Variants in ITPR1 observed in about 807,000 individuals in gnomAD.
The protein encoded by ITPR1 is inositol 1,4,5-trisphosphate receptor type 1.
In ITPR1, 96 loss-of-function variants were observed where a neutral mutation model predicts 318.4. The ratio of observed to expected loss-of-function variants is 0.30; its 90% CI spans 0.26 to 0.36. The LOEUF (loss-of-function observed/expected upper bound fraction) is 0.36, where lower values mean the gene tolerates loss of function less well. Among genes scored for constraint, ITPR1 ranks in the 10% least tolerant of loss-of-function variants. ITPR1 has a pLI of 1.00. For synonymous variants in ITPR1, 1,312 were observed against 1,289.9 expected (o/e 1.02, Z -0.37); for missense variants, 2,440 against 3,460.2 (o/e 0.71, Z 7.40).
At chr3:4,655,432 C>T (rs2093684281) in intron 12 of ITPR1, among the ~76,000 whole-genome samples, 1 of 152,098 alleles carries the variant, frequency 6.6e-6, no homozygotes, top group Admixed American at 6.6e-5. Flanking sequence ...ACCAGACCTA[C>T]CATTTATGAG....
intron 23 of ITPR1, among the ~76,000 whole-genome samples, chr3:4,675,577 A>T (rs1055264131): frequency 8.5e-5 from 13 of 152,324 alleles, no homozygotes; most frequent in African/African-American, 2.4e-4. Flanking sequence ...AAAGTTACTT[A>T]ACACTTTGAA....
chr3:4,650,648 C>CT (rs1353452311), intron 10 of ITPR1, among the ~76,000 whole-genome samples: 1 of 139,042 alleles, frequency 7.2e-6, no homozygotes, highest in South Asian at 2.2e-4. Context: ...TGTGTGTGCG[C>CT]GCGTCTGTCT....
intron 2 of ITPR1, among the ~76,000 whole-genome samples, chr3:4,505,583 G>A (rs2081339544): frequency 6.6e-6 from 1 of 152,218 alleles, no homozygotes; most frequent in Admixed American, 6.5e-5. Context: ...TTGTTTTTTA[G>A]GAGGTGGAGG....
At chr3:4,514,242 G>T (rs1346701315) in intron 2 of ITPR1, among the ~76,000 whole-genome samples, 8 of 152,120 alleles carry the variant, frequency 5.3e-5, no homozygotes, top group African/African-American at 1.9e-4. Context: ...TCCTGCTGTG[G>T]TCATGAGGAT....
At chr3:4,641,674 C>T (rs906661889) in intron 6 of ITPR1, among the ~76,000 whole-genome samples, 1 of 152,232 alleles carries the variant, frequency 6.6e-6, no homozygotes, top group Non-Finnish European at 1.5e-5. Context: ...CTTCGCCTGG[C>T]CCTGCGTTGT....
intron 4 of ITPR1, among the ~76,000 whole-genome samples, chr3:4,604,172 T>C (rs1292779614): frequency 6.6e-6 from 1 of 152,156 alleles, no homozygotes; most frequent in Non-Finnish European, 1.5e-5. Flanking sequence ...TTTTCAGATG[T>C]GTCTGAGGAT....
In ITPR1 at chr3:4,779,510, A is replaced by C. The variant is rs2046686152; in HGVS notation, c.6292-40A>C. ...CTGCATTCAGGCCGGGCCCCCAAGC[A>C]GCCCCTCTACATTTCCTCTCCCTTT... On this transcript the variant is annotated intron_variant, in intron 48 of 61. Coordinates refer to ENST00000649015, the MANE Select transcript of ITPR1 (RefSeq NM_001378452.1). This position sits in a 1 kb window ranked among gnomAD's most constrained non-coding sequence, Gnocchi z 4.0. 1 of 1,496,484 alleles carries C rather than the reference A, an allele frequency of 6.7e-7. No individual in the cohort carries two copies. Among genetic ancestry groups the C allele is most frequent in the African/African-American group, 1.4e-5 (1 of 72,788 alleles). The allele number at this position is 1,496,484 out of a possible 1,614,324, so 92.7% of individuals were successfully genotyped here. A position where few individuals can be genotyped will look rare whatever the true frequency, so the allele number is the denominator to read the frequency against.
At chr3:4,743,028 C>T (rs746582893) in intron 44 of ITPR1, among the ~76,000 whole-genome samples, 3 of 152,196 alleles carry the variant, frequency 2.0e-5, no homozygotes, top group Admixed American at 1.3e-4. Flanking sequence ...AAAGTAATTG[C>T]GGTTTTTGCC....
chr3:4,690,620 A>T (rs1416627126), intron 31 of ITPR1, among the ~76,000 whole-genome samples: 2 of 152,214 alleles, frequency 1.3e-5, no homozygotes, highest in African/African-American at 4.8e-5. Context: ...GTTCACCAGA[A>T]GACATGTGTA....
chr3:4,688,667 G>A, intron 31 of ITPR1, 47 bp downstream of exon 31: 1 of 1,577,352 alleles, frequency 6.3e-7, no homozygotes, highest in Non-Finnish European at 8.7e-7. Flanking sequence ...AGGAGGGCAG[G>A]GAAGAGGGAG....
At chr3:4,742,355 G>A (rs1032302843) in intron 44 of ITPR1, among the ~76,000 whole-genome samples, 7 of 152,168 alleles carry the variant, frequency 4.6e-5, no homozygotes, top group African/African-American at 1.2e-4. Context: ...TGTGTGGTCC[G>A]GTAGACAAGT....
At chr3:4,800,266 T>C (rs2048142599) in intron 53 of ITPR1, 159 bp from the exon 54 acceptor site, 1 of 615,382 alleles carries the variant, frequency 1.6e-6, no homozygotes, top group African/African-American at 1.9e-5. Flanking sequence ...AAAATGCTGA[T>C]GGGACTGGTT....
intron 4 of ITPR1, among the ~76,000 whole-genome samples, chr3:4,574,716 C>T (rs547305711): frequency 6.6e-6 from 1 of 152,352 alleles, no homozygotes; most frequent in East Asian, 1.9e-4. Flanking sequence ...AAATGGTCTT[C>T]CATGCTGTGG....
rs576028466 is a variant in ITPR1, at chr3:4,521,410, A to G, written c.163+316A>G. ...GTATTTATGGATCCAGTCACAGGGA[A>G]CATTCATTATTTCAGCAGATCTCAC... On this transcript the variant is annotated intron_variant, in intron 4 of 61. Transcript: ENST00000649015. Among the ~76,000 whole-genome samples, 42 of 152,318 alleles carry G rather than the reference A, an allele frequency of 2.8e-4. No individual in the cohort carries two copies. In the Middle Eastern group the frequency reaches 0.021, roughly 75 times the overall value.
chr3:4,735,122 G>T (rs180838278), intron 43 of ITPR1, 42 bp from the exon 44 acceptor site: 3 of 1,511,852 alleles, frequency 2.0e-6, no homozygotes, highest in Admixed American at 3.4e-5. Context: ...AACATTAGCT[G>T]TTCTGATTGT....
Position 4,681,402 on chromosome 3 carries a change from G to A in ITPR1, c.3145G>A (p.Gly1049Ser), listed in dbSNP as rs2125228878. 1 of 1,612,330 alleles carries A rather than the reference G, an allele frequency of 6.2e-7. No homozygotes were observed. Among genetic ancestry groups the A allele is most frequent in the Non-Finnish European group, 8.5e-7 (1 of 1,178,628 alleles). Residue 1049 changes from glycine (G) to serine (S), a missense_variant, in exon 26 of 62, where the codon GGC becomes AGC. Physicochemically the swap from Gly to Ser is moderately conservative, Grantham distance 56 (BLOSUM62 0). Coordinates refer to ENST00000649015, the MANE Select transcript of ITPR1 (RefSeq NM_001378452.1). ...DFEHIEEQAE[G>S]IFGGSEENTP... The stretch of plus-strand genomic sequence containing the variant: ...TGAACACATTGAAGAACAAGCAGAA[G>A]GCATCTTTGGAGGAAGGAAAGTATA...
At chr3:4,716,038 A>C (rs964178411) in intron 39 of ITPR1, among the ~76,000 whole-genome samples, 1 of 152,222 alleles carries the variant, frequency 6.6e-6, no homozygotes, top group Non-Finnish European at 1.5e-5. Flanking sequence ...AAATATTAAA[A>C]TTATCACCAA....
At chr3:4,576,707 G>A (rs1027347254) in intron 4 of ITPR1, among the ~76,000 whole-genome samples, 1 of 152,192 alleles carries the variant, frequency 6.6e-6, no homozygotes, top group African/African-American at 2.4e-5. Flanking sequence ...TTATTTGCAG[G>A]TTCCTTCAGA....
rs2046899818 is a variant in ITPR1 at position 4,782,494 on chromosome 3, G to A, written c.6388-125G>A. On this transcript the variant is annotated intron_variant, in intron 49 of 61. Coordinates refer to ENST00000649015, the MANE Select transcript of ITPR1 (RefSeq NM_001378452.1). The stretch of plus-strand genomic sequence containing the variant: ...GGATTCTGAGGCTGTGTCCAAGCCC[G>A]ATAGGAGAGAGTGCGGAACAGCCTT... The A allele has an allele frequency of 9.5e-6, 9 of 947,906 alleles. No individual in the cohort carries two copies. The Admixed American group carries it at 1.1e-4, about 11-fold the overall frequency. The allele number at this position is 947,906 out of a possible 1,614,324, so 58.7% of individuals were successfully genotyped here. A position where few individuals can be genotyped will look rare whatever the true frequency, so the allele number is the denominator to read the frequency against.
Sources: gnomAD v4.1 joint callset for allele counts (sites outside exome capture counted in the v4.1 genomes callset) on GRCh38, gnomAD v4.1.1 for gene constraint, Gnocchi (gnomAD v3.1) non-coding constraint, MANE v1.5 for transcripts, NCBI Gene and HGNC (gene_info 2026-07-23, HGNC 2026-07-21) for gene names.